Variants in ZNF638 observed in about 807,000 individuals in gnomAD.
ZNF638 encodes zinc finger protein 638, also known as CTCL tumor antigen se33-1.
ZNF638 carries 46 observed loss-of-function variants against 195.6 expected under a neutral mutation model. The observed-to-expected ratio is 0.24, with a 90% CI of 0.19 to 0.30. The LOEUF is 0.30. ZNF638 is among the 10% of genes least tolerant of loss of function. The pLI is 1.00. For synonymous variants in ZNF638, 845 were observed against 772.0 expected (o/e 1.09, Z -1.57); for missense variants, 2,440 against 2,325.3 (o/e 1.05, Z -1.01).
chr2:71,431,213 G>T, intron 25 of ZNF638, 114 bp from the exon 26 acceptor site: 1 of 790,940 alleles, frequency 1.3e-6, no homozygotes, highest in Non-Finnish European at 2.0e-6. Flanking sequence ...GGCCAGATGG[G>T]ATTAACAAAG....
In ZNF638 at chr2:71,423,320, A is replaced by T; in HGVS notation, c.3806A>T (p.Glu1269Val). 1 of 1,613,984 alleles carries T rather than the reference A, an allele frequency of 6.2e-7. No homozygotes were observed. Among genetic ancestry groups the T allele is most frequent in the African/African-American group, 1.3e-5 (1 of 75,056 alleles). The change falls in exon 22 of 28, where the codon GAA (glutamate) becomes GTA (valine). Residue 1269 changes from glutamate to valine, a missense_variant. Transcript: ENST00000264447. Reference sequence around the variant, plus strand: ...GCTGTAGCTGAAGTAGAAAAAAATGAAACTGTTTCGGAAATATTGCCATCA... The same window carrying T: ...GCTGTAGCTGAAGTAGAAAAAAATGTAACTGTTTCGGAAATATTGCCATCA... ...VEAVAEVEKN[E>V]TVSEILPSTC... is the part of the protein sequence containing the mutation.
At chr2:71,332,384 G>A (rs1445192026) in intron 1 of ZNF638, among the ~76,000 whole-genome samples, 1 of 152,250 alleles carries the variant, frequency 6.6e-6, no homozygotes, top group Non-Finnish European at 1.5e-5. Flanking sequence ...AAGAAGCGTG[G>A]AGAGAAGAGC....
At position 71,399,548 on chromosome 2, in the gene ZNF638, A is replaced by G; in HGVS notation, c.2501-11A>G. On this transcript the variant is annotated splice_polypyrimidine_tract_variant and intron_variant, in intron 12 of 27. Transcript: ENST00000264447. ...GACCTTTAGAATAATGGCTGACTGT[A>G]CTTTTACAAGCAAAATCTGGTGGAA... 1 of 1,593,134 alleles carries G rather than the reference A, an allele frequency of 6.3e-7. No homozygotes were observed. Among genetic ancestry groups the G allele is most frequent in the South Asian group, 1.1e-5 (1 of 89,998 alleles).
At chr2:71,394,827 G>A (rs1286176285) in intron 10 of ZNF638, among the ~76,000 whole-genome samples, 2 of 150,834 alleles carry the variant, frequency 1.3e-5, no homozygotes, top group East Asian at 1.9e-4. Flanking sequence ...TGTGTCTAAT[G>A]AACTTCTCTT....
chr2:71,360,321 A>C (rs1185662484), intron 3 of ZNF638, among the ~76,000 whole-genome samples: 1 of 152,240 alleles, frequency 6.6e-6, no homozygotes. Context: ...TTCTAAATTC[A>C]GCATGTATCT....
chr2:71,345,389 A>T (rs573576937), intron 1 of ZNF638, among the ~76,000 whole-genome samples: 38 of 152,254 alleles, frequency 2.5e-4, no homozygotes, highest in African/African-American at 9.1e-4. Context: ...TCATAGGCAG[A>T]TATTTTATTT....
At chr2:71,380,671 A>G in intron 10 of ZNF638, 106 bp downstream of exon 10, 1 of 817,792 alleles carries the variant, frequency 1.2e-6, no homozygotes, top group Non-Finnish European at 1.9e-6. Context: ...AATGAAGGAG[A>G]CCCAAATTAC....
In ZNF638 at chr2:71,423,099, C is replaced by G; in HGVS notation, c.3585C>G (p.Ala1195=). Reference sequence around the variant, plus strand: ...GTATTGAACAATTCACTGAAAATGCCGAGGAGTGTGCTTTAAATCAGCAGA... The same window carrying G: ...GTATTGAACAATTCACTGAAAATGCGGAGGAGTGTGCTTTAAATCAGCAGA... The part of the protein sequence containing the change: ...SVSIEQFTEN[A]EECALNQQMF... Residue 1195 remains alanine, a synonymous_variant, in exon 22 of 28, where the codon GCC becomes GCG. Transcript: ENST00000264447. 1 of 1,613,986 alleles carries G rather than the reference C, an allele frequency of 6.2e-7. No homozygotes were observed. Among genetic ancestry groups the G allele is most frequent in the Non-Finnish European group, 8.5e-7 (1 of 1,179,984 alleles).
chr2:71,352,617 G>T (rs1051903652), intron 2 of ZNF638, among the ~76,000 whole-genome samples: 1 of 151,914 alleles, frequency 6.6e-6, no homozygotes, highest in Non-Finnish European at 1.5e-5. Flanking sequence ...GAGCGTATTA[G>T]AAATAAGTAC....
intron 8 of ZNF638, among the ~76,000 whole-genome samples, chr2:71,376,555 T>C (rs986691008): frequency 6.6e-6 from 1 of 152,228 alleles, no homozygotes; most frequent in Non-Finnish European, 1.5e-5. Flanking sequence ...ATAGCTTTCT[T>C]GGTCCAAATC....
At chr2:71,339,651 C>G (rs1454877243) in intron 1 of ZNF638, among the ~76,000 whole-genome samples, 1 of 152,194 alleles carries the variant, frequency 6.6e-6, no homozygotes, top group Admixed American at 6.5e-5. Flanking sequence ...TACCTCTGTT[C>G]CAGTGGCTTT....
intron 10 of ZNF638, among the ~76,000 whole-genome samples, chr2:71,391,255 A>C (rs1029300547): frequency 9.9e-5 from 15 of 152,222 alleles, no homozygotes; most frequent in Non-Finnish European, 7.3e-5. Flanking sequence ...TCTTCAAGAT[A>C]GGCCTATAGT....
At chr2:71,424,353 A>G (rs891732119) in intron 22 of ZNF638, among the ~76,000 whole-genome samples, 4 of 152,038 alleles carry the variant, frequency 2.6e-5, no homozygotes, top group Admixed American at 2.0e-4. Flanking sequence ...CTGCTTCTGA[A>G]TGGGAAACTG....
intron 26 of ZNF638, among the ~76,000 whole-genome samples, chr2:71,431,772 A>C (rs1409362506): frequency 2.0e-5 from 3 of 152,214 alleles, no homozygotes; most frequent in South Asian, 2.1e-4. Flanking sequence ...AAAAAAAAAA[A>C]AACAAAAACA....
intron 1 of ZNF638, among the ~76,000 whole-genome samples, chr2:71,338,287 T>C (rs147529363): frequency 1.2e-3 from 181 of 152,366 alleles, no homozygotes; most frequent in African/African-American, 4.2e-3. Flanking sequence ...CTCCAACTGT[T>C]ATTCTACATT....
chr2:71,424,022 A>G lies in ZNF638; in HGVS notation c.4508A>G (p.Asp1503Gly), dbSNP rs1366082250. Residue 1503 changes from aspartate to glycine, a missense_variant, in exon 22 of 28, where the codon GAT (aspartate) becomes GGT (glycine). Asp to Gly is a moderately conservative substitution (Grantham distance 94). Transcript: ENST00000264447. ...TEARPSIMKR[D>G]DSNNKTLAEQ... ...GCTAGACCTTCCATCATGAAACGGG[A>G]TGACAGCAACAATAAGGTGAGGAGG... 1 of 1,613,730 alleles carries G rather than the reference A, an allele frequency of 6.2e-7. No homozygotes were observed. Among genetic ancestry groups the G allele is most frequent in the Admixed American group, 1.7e-5 (1 of 60,008 alleles).
intron 2 of ZNF638, among the ~76,000 whole-genome samples, chr2:71,352,594 G>A (rs892530289): frequency 6.6e-6 from 1 of 152,110 alleles, no homozygotes; most frequent in Admixed American, 6.5e-5. Context: ...GGAGGCAGTT[G>A]GGAAAGAGTG....
intron 1 of ZNF638, 93 bp downstream of exon 1, chr2:71,331,968 T>A (rs2078576977): frequency 1.0e-6 from 1 of 977,666 alleles, no homozygotes; most frequent in South Asian, 4.7e-5. Context: ...CCGGGCCGAC[T>A]ATTGTATCTG....
chr2:71,360,821 C>G (rs1372769670), intron 3 of ZNF638, among the ~76,000 whole-genome samples: 1 of 152,100 alleles, frequency 6.6e-6, no homozygotes, highest in East Asian at 1.9e-4. Context: ...TGTTATACCA[C>G]CTTTGTTGGG....
Sources: gnomAD v4.1 joint callset for allele counts (sites outside exome capture counted in the v4.1 genomes callset) on GRCh38, gnomAD v4.1.1 for gene constraint, MANE v1.5 for transcripts, NCBI Gene and HGNC (gene_info 2026-07-23, HGNC 2026-07-21) for gene names.